DEPDC5: variants seen among roughly 807,000 people sequenced by gnomAD.
DEPDC5 encodes GATOR1 complex protein DEPDC5.
Under a neutral mutation model 217.3 loss-of-function variants are expected in DEPDC5, and 73 were observed. The ratio of observed to expected loss-of-function variants is 0.34; its 90% CI spans 0.28 to 0.41. The LOEUF is 0.41. Among genes scored for constraint, DEPDC5 ranks in the 10% least tolerant of loss-of-function variants. The pLI, the probability that DEPDC5 is intolerant of heterozygous loss-of-function variation, is 1.00. For synonymous variants in DEPDC5, 733 were observed against 756.7 expected (o/e 0.97, Z 0.51); for missense variants, 1,675 against 2,070.1 (o/e 0.81, Z 3.70).
chr22:31,766,843 T>G (rs966312995), intron 6 of DEPDC5, among the ~76,000 whole-genome samples, 175 bp downstream of exon 6: 1 of 152,232 alleles, frequency 6.6e-6, no homozygotes. Flanking sequence ...TTTGATCTTT[T>G]GTTTACTGTT....
chr22:31,887,419 CAAAAA>C (rs567430576), intron 38 of DEPDC5, among the ~76,000 whole-genome samples: 5 of 65,680 alleles, frequency 7.6e-5, no homozygotes, highest in South Asian at 1.2e-3. Flanking sequence ...AACTCTGTCT[CAAAAA>C]AAAAAAAAAA....
intron 10 of DEPDC5, among the ~76,000 whole-genome samples, chr22:31,789,406 A>G (rs1195243361): frequency 6.6e-6 from 1 of 152,214 alleles, no homozygotes; most frequent in Non-Finnish European, 1.5e-5. Context: ...AAATCATAAG[A>G]TCTTATTTAT....
intron 33 of DEPDC5, among the ~76,000 whole-genome samples, chr22:31,866,158 G>T (rs1298648634): frequency 6.6e-6 from 1 of 152,176 alleles, no homozygotes; most frequent in East Asian, 1.9e-4. Context: ...CTCTAACAGG[G>T]TTCCCTCCCT....
intron 23 of DEPDC5, among the ~76,000 whole-genome samples, chr22:31,822,388 T>C (rs2089777110): frequency 6.6e-6 from 1 of 152,026 alleles, no homozygotes; most frequent in Non-Finnish European, 1.5e-5. Context: ...CATCCTTGTT[T>C]GTAAAAGGGA....
At chr22:31,837,471 C>T in intron 26 of DEPDC5, 1 of 413,852 alleles carries the variant, frequency 2.4e-6, no homozygotes, top group Non-Finnish European at 4.2e-6. Flanking sequence ...CCACCTCAGC[C>T]TCCTAAGTAG....
intron 34 of DEPDC5, 50 bp from the exon 35 acceptor site, chr22:31,873,205 G>A: frequency 6.2e-7 from 1 of 1,613,226 alleles, no homozygotes; most frequent in East Asian, 2.2e-5. Context: ...TCGTGCTCTT[G>A]ACTGCATACG....
intron 14 of DEPDC5, 90 bp from the exon 15 acceptor site, chr22:31,802,614 G>T: frequency 7.3e-7 from 1 of 1,371,992 alleles, no homozygotes; most frequent in Non-Finnish European, 9.6e-7. Context: ...AATATGGGCA[G>T]AATGCTCTGA....
At chr22:31,812,582 G>T (rs1305961544) in intron 20 of DEPDC5, among the ~76,000 whole-genome samples, 2 of 148,336 alleles carry the variant, frequency 1.3e-5, no homozygotes, top group African/African-American at 2.5e-5. Flanking sequence ...CCACCACCAC[G>T]CCCAGCTAAT....
Position 31,798,567 on chromosome 22 carries a change from C to A in DEPDC5, c.872-15C>A. The A allele has an allele frequency of 6.2e-7, 1 of 1,602,772 alleles. No homozygotes were observed. Among genetic ancestry groups the A allele is most frequent in the South Asian group, 1.1e-5 (1 of 90,324 alleles). Reference sequence around the variant, plus strand: ...TCATGAGATGTTTTTCTTTCTCTTGCATATTTTGCTTCAGAGGGCTTTCCT... The same window carrying A: ...TCATGAGATGTTTTTCTTTCTCTTGAATATTTTGCTTCAGAGGGCTTTCCT... On this transcript the variant is annotated splice_polypyrimidine_tract_variant and intron_variant, in intron 13 of 42. Coordinates refer to ENST00000651528, the MANE Select transcript of DEPDC5 (RefSeq NM_001242896.3).
At chr22:31,877,811 C>T (rs1355024768) in intron 37 of DEPDC5, among the ~76,000 whole-genome samples, 2 of 147,474 alleles carry the variant, frequency 1.4e-5, no homozygotes, top group African/African-American at 2.5e-5. Context: ...ATCTCCAGTA[C>T]ACCTATAGCA....
rs2093101539 is a variant in DEPDC5, at chr22:31,879,102, A to ACACACG, written c.3806-423_3806-422insCACACG. 2.3e-5 allele frequency among the ~76,000 whole-genome samples: 3 copies of ACACACG among 132,850 alleles called. No individual in the cohort carries two copies. The South Asian group carries it at 6.6e-4, about 29-fold the overall frequency. The allele number at this position is 132,850 out of a possible 152,430, so 87.2% of individuals were successfully genotyped here. On this transcript the variant is annotated intron_variant, in intron 37 of 42. Transcript: ENST00000651528. ...CACACGTATATATATATACACATAT[A>ACACACG]TATACATATATATACACATATATAT...
chr22:31,897,759 G>T, intron 40 of DEPDC5, 106 bp downstream of exon 40: 1 of 1,364,056 alleles, frequency 7.3e-7, no homozygotes. Context: ...AAAAGGGACA[G>T]CCTTTCAACA....
At chr22:31,768,938 C>A in intron 7 of DEPDC5, 75 bp downstream of exon 7, 1 of 1,541,332 alleles carries the variant, frequency 6.5e-7, no homozygotes, top group Non-Finnish European at 9.0e-7. Context: ...TATGGATGTC[C>A]ATATAATAAA....
intron 2 of DEPDC5, 135 bp from the exon 3 acceptor site, chr22:31,758,411 C>G (rs1238317375): frequency 2.8e-6 from 2 of 724,884 alleles, no homozygotes; most frequent in Non-Finnish European, 4.8e-6. Flanking sequence ...CATTGTAAGC[C>G]TCGTTTCAAA....
At chr22:31,817,743 T>C (rs1325393234) in intron 21 of DEPDC5, among the ~76,000 whole-genome samples, 1 of 152,134 alleles carries the variant, frequency 6.6e-6, no homozygotes, top group Non-Finnish European at 1.5e-5. Flanking sequence ...CACCTTGGTC[T>C]CCCAAAGTGC....
chr22:31,785,752 A>G (rs1844091113), intron 10 of DEPDC5, among the ~76,000 whole-genome samples: 1 of 152,184 alleles, frequency 6.6e-6, no homozygotes. Context: ...TGGCATAAGG[A>G]TAGATATATA....
intron 2 of DEPDC5, among the ~76,000 whole-genome samples, chr22:31,756,224 C>T (rs767551069): frequency 2.6e-5 from 4 of 152,016 alleles, no homozygotes; most frequent in Non-Finnish European, 5.9e-5. Flanking sequence ...TTTACTTCTA[C>T]ATTATGTAGG....
intron 31 of DEPDC5, among the ~76,000 whole-genome samples, chr22:31,855,670 G>T (rs761336454): frequency 6.6e-6 from 1 of 152,124 alleles, no homozygotes; most frequent in Non-Finnish European, 1.5e-5. Flanking sequence ...GAGCCACTGC[G>T]CCTGGCCAAC....
intron 14 of DEPDC5, among the ~76,000 whole-genome samples, chr22:31,802,209 G>T (rs1221993583): frequency 2.1e-5 from 3 of 144,968 alleles, no homozygotes; most frequent in Non-Finnish European, 4.5e-5. Flanking sequence ...GGCTCACTGC[G>T]CCTCTGCCTC....
Sources: allele counts gnomAD v4.1 joint callset (sites outside exome capture counted in the v4.1 genomes callset), GRCh38; gene constraint gnomAD v4.1.1; transcripts MANE v1.5; gene names NCBI Gene and HGNC (gene_info 2026-07-23, HGNC 2026-07-21).